The following AGMO variants were observed in gnomAD, a reference collection of about 807,000 sequenced individuals.
The protein encoded by AGMO is alkylglycerol monooxygenase.
Under a neutral mutation model 60.2 loss-of-function variants are expected in AGMO, and 75 were observed. The observed-to-expected ratio is 1.25, with a 90% CI of 1.03 to 1.51. The LOEUF is 1.51. Ranked by LOEUF, AGMO falls within the 40% of genes most tolerant of loss-of-function variation. AGMO has a pLI of 0.00. For missense variants in AGMO, 763 were observed against 525.5 expected (o/e 1.45, Z -4.42); for synonymous variants, 261 against 177.1 (o/e 1.47, Z -3.76).
intron 12 of AGMO, among the ~76,000 whole-genome samples, chr7:15,337,952 A>G (rs1781716377): frequency 6.6e-6 from 1 of 152,174 alleles, no homozygotes; most frequent in South Asian, 2.1e-4. Flanking sequence ...GGCAAACATA[A>G]TAGGTGATCT....
intron 3 of AGMO, among the ~76,000 whole-genome samples, chr7:15,534,970 T>A (rs1160179103): frequency 1.3e-5 from 2 of 151,984 alleles, no homozygotes; most frequent in African/African-American, 4.8e-5. Flanking sequence ...TTTTTACTTA[T>A]GTATCAGACT....
chr7:15,436,684 A>C (rs898224588), intron 3 of AGMO, among the ~76,000 whole-genome samples: 1 of 152,238 alleles, frequency 6.6e-6, no homozygotes, highest in Non-Finnish European at 1.5e-5. Context: ...TTATTAAAGA[A>C]GGAGAACATG....
intron 12 of AGMO, among the ~76,000 whole-genome samples, chr7:15,339,211 A>C (rs1781756230): frequency 6.6e-6 from 1 of 152,174 alleles, no homozygotes; most frequent in Non-Finnish European, 1.5e-5. Flanking sequence ...TAGTTGATCA[A>C]TTCATGCTGA....
intron 3 of AGMO, among the ~76,000 whole-genome samples, chr7:15,480,544 G>T (rs1782721840): frequency 6.6e-6 from 1 of 152,140 alleles, no homozygotes; most frequent in Non-Finnish European, 1.5e-5. Flanking sequence ...TATTTAGGGT[G>T]AGGGTTTTGT....
At chr7:15,413,942 TTAAATA>T (rs1780684758) in intron 5 of AGMO, among the ~76,000 whole-genome samples, 1 of 152,210 alleles carries the variant, frequency 6.6e-6, no homozygotes, top group Non-Finnish European at 1.5e-5. Flanking sequence ...CTTGATTCCT[TTAAATA>T]TAACTGACTA....
chr7:15,415,347 AT>A (rs1230097689), intron 5 of AGMO, among the ~76,000 whole-genome samples: 5 of 151,934 alleles, frequency 3.3e-5, no homozygotes, highest in African/African-American at 1.2e-4. Context: ...GACCGAGACC[AT>A]TCTGGCCAAC....
chr7:15,327,949 T>C (rs891530034), intron 12 of AGMO, among the ~76,000 whole-genome samples: 2 of 151,064 alleles, frequency 1.3e-5, no homozygotes. Flanking sequence ...AAAAAAAATT[T>C]TTTTTTGGTT....
intron 12 of AGMO, among the ~76,000 whole-genome samples, chr7:15,263,834 G>C (rs767925857): frequency 6.6e-6 from 1 of 152,132 alleles, no homozygotes; most frequent in Non-Finnish European, 1.5e-5. Flanking sequence ...AACATCGTAT[G>C]TTCTCACTTA....
intron 12 of AGMO, among the ~76,000 whole-genome samples, chr7:15,226,792 T>C (rs1782095538): frequency 6.6e-6 from 1 of 152,074 alleles, no homozygotes; most frequent in Non-Finnish European, 1.5e-5. Context: ...TCTTGAAAAT[T>C]ACAGATATAA....
At chr7:15,351,129 A>G (rs1200812511) in intron 12 of AGMO, among the ~76,000 whole-genome samples, 1 of 152,162 alleles carries the variant, frequency 6.6e-6, no homozygotes, top group African/African-American at 2.4e-5. Context: ...GGTTGAATTT[A>G]CTTAGTTATA....
intron 3 of AGMO, among the ~76,000 whole-genome samples, chr7:15,455,539 G>A (rs1044450812): frequency 5.3e-5 from 8 of 152,000 alleles, no homozygotes; most frequent in South Asian, 4.1e-4. Flanking sequence ...ACAAGATGCC[G>A]CTTTATTCTC....
chr7:15,210,790 C>G (rs1393815665), intron 12 of AGMO, among the ~76,000 whole-genome samples: 3 of 151,894 alleles, frequency 2.0e-5, no homozygotes, highest in Non-Finnish European at 4.4e-5. Flanking sequence ...TTCTTTCCTC[C>G]AAGGTGGTAG....
chr7:15,375,386 ATTTTTTTTTTT>A lies in AGMO; in HGVS notation c.1075-9175_1075-9165del, dbSNP rs71004377. 8.9e-4 allele frequency among the ~76,000 whole-genome samples: 97 copies of A among 109,450 alleles called. 1 individual carries two copies. Among genetic ancestry groups the A allele is most frequent in the African/African-American group, 3.3e-3 (86 of 26,212 alleles). 71.8% of individuals were successfully genotyped at this position (109,450 alleles called of 152,430 possible). On this transcript the variant is annotated intron_variant, in intron 10 of 12. Transcript: ENST00000342526. ...CAGATCAGACTTTCTTTCTAAAAGG[ATTTTTTTTTTT>A]TTTTTTTTTTTTTTTTGAGACAGAG...
At chr7:15,454,046 C>T (rs1325035769) in intron 3 of AGMO, among the ~76,000 whole-genome samples, 5 of 145,754 alleles carry the variant, frequency 3.4e-5, no homozygotes, top group Admixed American at 2.1e-4. Context: ...ATATATATAC[C>T]ACTAGAGAGA....
intron 12 of AGMO, among the ~76,000 whole-genome samples, chr7:15,210,648 T>G (rs916575721): frequency 1.3e-5 from 2 of 152,094 alleles, no homozygotes; most frequent in Non-Finnish European, 2.9e-5. Flanking sequence ...CGGAGTGATA[T>G]TCCTATAACA....
At chr7:15,556,865 T>C (rs1298545665) in intron 2 of AGMO, among the ~76,000 whole-genome samples, 1 of 152,086 alleles carries the variant, frequency 6.6e-6, no homozygotes, top group African/African-American at 2.4e-5. Context: ...TAAGTAGGAC[T>C]AGTATCTGAC....
chr7:15,424,305 T>C (rs1781001103), intron 4 of AGMO, among the ~76,000 whole-genome samples: 1 of 152,134 alleles, frequency 6.6e-6, no homozygotes. Context: ...TGACTGGCCC[T>C]GCTAGTCAAA....
chr7:15,150,307 A>T, the AGMO span, among the ~76,000 whole-genome samples: 1 of 151,940 alleles, frequency 6.6e-6, no homozygotes. Flanking sequence ...ATCTTGCCTG[A>T]TTGCTCTGGC....
At chr7:15,255,220 G>A (rs1350629488) in intron 12 of AGMO, among the ~76,000 whole-genome samples, 2 of 152,068 alleles carry the variant, frequency 1.3e-5, no homozygotes, top group African/African-American at 2.4e-5. Flanking sequence ...GGAGGGGAGG[G>A]AGGTTAGGGA....
Sources: allele counts gnomAD v4.1 joint callset (sites outside exome capture counted in the v4.1 genomes callset), GRCh38; gene constraint gnomAD v4.1.1; transcripts MANE v1.5; gene names NCBI Gene and HGNC (gene_info 2026-07-23, HGNC 2026-07-21).